The following TTN variants were observed in gnomAD, a reference collection of about 807,000 sequenced individuals.
The protein encoded by TTN is titin, also known as connectin.
A neutral mutation model predicts 3,223.0 loss-of-function variants in TTN; 1,525 were observed. The ratio of observed to expected loss-of-function variants is 0.47; its 90% CI spans 0.45 to 0.49. TTN has a LOEUF of 0.49. Among genes scored for constraint, TTN ranks in the 20% least tolerant of loss-of-function variants. The pLI is 0.00. For missense variants in TTN, 40,786 were observed against 43,424.0 expected (o/e 0.94, Z 5.40); for synonymous variants, 14,094 against 15,161.0 (o/e 0.93, Z 5.17).
Position 178,609,261 on chromosome 2 carries a change from T to C in TTN, c.52049A>G (p.Lys17350Arg), listed in dbSNP as rs545725664. 1.1e-5 allele frequency: 17 copies of C among 1,541,096 alleles called. 1 individual carries two copies. Among genetic ancestry groups the C allele is most frequent in the Admixed American group, 2.1e-5 (1 of 48,046 alleles). The change falls in exon 273 of 363, where the codon AAA becomes AGA. Residue 17350 changes from lysine to arginine, a missense_variant. Transcript: ENST00000589042. ...TGCAATACCGTGGTCATTTTCAACT[T>C]TGATCATATACAGACCATGGTCAGG... is the stretch of plus-strand genomic sequence containing the variant. ...LRPDHGLYMI[K>R]VENDHGIAKA...
At chr2:178,731,228 TG>T in intron 59 of TTN, 25 bp from the exon 60 acceptor site, 5 of 1,611,198 alleles carry the variant, frequency 3.1e-6, no homozygotes, top group Non-Finnish European at 4.2e-6. Context: ...GGGATAGATG[TG>T]GGTTGTGCAT....
At chr2:178,751,404 T>C in intron 47 of TTN, 1 of 1,609,286 alleles carries the variant, frequency 6.2e-7, no homozygotes, top group South Asian at 1.1e-5. Context: ...TCTGTTTTCT[T>C]GGCAGAACTC....
In TTN at chr2:178,591,854, C is replaced by T. The variant is rs1021499065; in HGVS notation, c.59965G>A (p.Val19989Ile). 6 of 1,613,288 alleles carry T rather than the reference C, an allele frequency of 3.7e-6. No individual in the cohort carries two copies. The highest frequency in any genetic ancestry group is 4.2e-6 in the Non-Finnish European group (5 of 1,179,564). The change falls in exon 303 of 363, where the codon GTT becomes ATT. Residue 19989 changes from valine (V) to isoleucine (I), a missense_variant. Transcript: ENST00000589042. Reference sequence around the variant, plus strand: ...ACTAGGGAGACTTCAGTCTTGTCAACATCTACATGGTGCAGGTCCTTGGGT... The same window carrying T: ...ACTAGGGAGACTTCAGTCTTGTCAATATCTACATGGTGCAGGTCCTTGGGT... The part of the protein sequence containing the change: ...GPPKDLHHVD[V>I]DKTEVSLVWN...
intron 148 of TTN, 68 bp downstream of exon 148, chr2:178,675,851 CAG>C (rs2067967702): frequency 6.5e-7 from 1 of 1,548,334 alleles, no homozygotes; most frequent in African/African-American, 1.4e-5. Context: ...AATACGGAAA[CAG>C]GACATTTTGA....
At chr2:178,559,196 T>C (rs999282549) in intron 326 of TTN, 115 bp downstream of exon 326, 8 of 936,334 alleles carry the variant, frequency 8.5e-6, no homozygotes, top group African/African-American at 3.3e-5. Context: ...GTTTGGGGTG[T>C]GAAGGGTGTG....
At position 178,791,144 on chromosome 2, in the gene TTN, A is replaced by G. The variant is rs149435574; in HGVS notation, c.1663-299T>C. Among the ~76,000 whole-genome samples, 200 of 152,310 alleles carry G rather than the reference A, an allele frequency of 1.3e-3. 1 individual carries two copies. Among genetic ancestry groups the G allele is most frequent in the Non-Finnish European group, 2.5e-3 (170 of 68,018 alleles). On this transcript the variant is annotated intron_variant, in intron 10 of 362. Coordinates refer to ENST00000589042, the MANE Select transcript of TTN (RefSeq NM_001267550.2). ...GCTGCTGACAAGTGGCTGGAAAACC[A>G]TAGGCCAGCTGAACTTGCCAGTCAC...
At position 178,636,776 on chromosome 2, in the gene TTN, G is replaced by T. The variant is rs756727745; in HGVS notation, c.40951C>A (p.Pro13651Thr). The change falls in exon 225 of 363, where the codon CCA (proline) becomes ACA (threonine). Residue 13651 changes from proline (P) to threonine (T), a missense_variant. Transcript: ENST00000589042. This position sits in a 1 kb window ranked among gnomAD's most constrained non-coding sequence, Gnocchi z 4.3. ...IKGVPKKTPS[P>T]IEAERRKLRP... ...AACTTTCTCCTTTCGGCTTCTATTG[G>T]TGAAGGAGTCTTTTTGGGTACACCT... 9 of 1,600,722 alleles carry T rather than the reference G, an allele frequency of 5.6e-6. No homozygotes were observed. The highest frequency in any genetic ancestry group is 3.4e-5 in the Admixed American group (2 of 58,624).
chr2:178,765,374 T>TA (rs879364039), intron 41 of TTN, among the ~76,000 whole-genome samples: 7 of 152,350 alleles, frequency 4.6e-5, no homozygotes, highest in Admixed American at 6.5e-5. Context: ...TCAGCTTTCC[T>TA]GTTTTGCTAA....
chr2:178,663,840 G>A lies in TTN; in HGVS notation c.36427C>T (p.Pro12143Ser), dbSNP rs779794774. 8 of 1,613,314 alleles carry A rather than the reference G, an allele frequency of 5.0e-6. No homozygotes were observed. The African/African-American group carries it at 9.3e-5, about 19-fold the overall frequency. The change falls in exon 170 of 363, where the codon CCT becomes TCT. Residue 12143 changes from proline to serine, a missense_variant. Pro to Ser is a moderately conservative substitution (Grantham distance 74, BLOSUM62 -1). Coordinates refer to ENST00000589042, the MANE Select transcript of TTN (RefSeq NM_001267550.2). ...EKVPLAPPKE[P>S]EVPPVKVPEP... ...CTACCTTTAACAGGTGGGACTTCAG[G>A]CTCTTTAGGAGGAGCCAAGGGCACT...
At chr2:178,596,161 T>C (rs2051555170) in intron 294 of TTN, among the ~76,000 whole-genome samples, 1 of 151,932 alleles carries the variant, frequency 6.6e-6, no homozygotes, top group African/African-American at 2.4e-5. Context: ...AGGCTAATTT[T>C]TGCATTTTTA....
chr2:178,536,778 C>A, intron 356 of TTN, 160 bp downstream of exon 356: 1 of 827,866 alleles, frequency 1.2e-6, no homozygotes, highest in Non-Finnish European at 1.8e-6. Flanking sequence ...ATATATTTCT[C>A]CTTTTAGATA....
chr2:178,577,050 C>G lies in TTN; in HGVS notation c.69285G>C (p.Gln23095His). 1 of 1,613,458 alleles carries G rather than the reference C, an allele frequency of 6.2e-7. No individual in the cohort carries two copies. The highest frequency in any genetic ancestry group is 1.7e-5 in the Admixed American group (1 of 59,994). The part of the protein sequence containing the change: ...LLWTVVSEDI[Q>H]SCRHVATKLI... ...GTTTGGTTGCCACATGCCTGCAAGA[C>G]TGAATATCTTCAGAAACCACTGTCC... The change falls in exon 324 of 363, where the codon CAG becomes CAC. Residue 23095 changes from glutamine to histidine, a missense_variant. By Grantham distance (24) the Gln-to-His change is conservative. Transcript: ENST00000589042.
At position 178,685,525 on chromosome 2, in the gene TTN, T is replaced by C; in HGVS notation, c.32385A>G (p.Pro10795=). The C allele has an allele frequency of 1.9e-6, 3 of 1,612,796 alleles. No homozygotes were observed. In the South Asian group the frequency reaches 3.3e-5, roughly 18 times the overall value. The change falls in exon 128 of 363, where the codon CCA becomes CCG. Residue 10795 remains proline, a synonymous_variant. Transcript: ENST00000589042. The part of the protein sequence containing the change: ...HIISKRVEAE[P]AEVTERQEKK... Reference sequence around the variant, plus strand: ...ATTAAAGAGTCAGCATACCTTCAGCTGGCTCAGCTTCCACTCTCTTAGAAA... The same window carrying C: ...ATTAAAGAGTCAGCATACCTTCAGCCGGCTCAGCTTCCACTCTCTTAGAAA...
Position 178,583,043 on chromosome 2 carries a change from G to A in TTN, c.65760C>T (p.Thr21920=), listed in dbSNP as rs753720118. ...IKMAMQRNLC[T]LELFSVNRKD... Reference sequence around the variant, plus strand: ...TCCGGTTCACGCTGAATAGCTCCAAGGTGCACAGATTCCGCTGCATGGCCA... The same window carrying A: ...TCCGGTTCACGCTGAATAGCTCCAAAGTGCACAGATTCCGCTGCATGGCCA... Residue 21920 remains threonine (T), a synonymous_variant, in exon 313 of 363, where the codon ACC becomes ACT. Transcript: ENST00000589042. The A allele has an allele frequency of 3.7e-6, 6 of 1,611,370 alleles. No individual in the cohort carries two copies. Among genetic ancestry groups the A allele is most frequent in the East Asian group, 4.5e-5 (2 of 44,516 alleles).
rs727504987 is a variant in TTN at position 178,537,923 on chromosome 2, C to T, written c.99290-6G>A. On this transcript the variant is annotated splice_polypyrimidine_tract_variant and splice_region_variant and intron_variant, in intron 354 of 362. Transcript: ENST00000589042. ...TATTCCTGGGGCCTCTCCAGCTGAA[C>T]AATATGAAAGATAATATTAAGTGAC... 2.7e-5 allele frequency: 43 copies of T among 1,594,556 alleles called. No individual in the cohort carries two copies. In the South Asian group the frequency reaches 4.7e-4, roughly 18 times the overall value.
chr2:178,576,435 C>T lies in TTN; in HGVS notation c.69716-19G>A, dbSNP rs1326329710. On this transcript the variant is annotated intron_variant, in intron 325 of 362. Coordinates refer to ENST00000589042, the MANE Select transcript of TTN (RefSeq NM_001267550.2). This position sits in a 1 kb window ranked among gnomAD's most constrained non-coding sequence, Gnocchi z 4.3. ...GGAGGATCTGAGAAAGAAACAAAGA[C>T]ACAAAAGTATATATTCAGAGTTTGG... is the stretch of plus-strand genomic sequence containing the variant. 13 of 1,579,770 alleles carry T rather than the reference C, an allele frequency of 8.2e-6. No homozygotes were observed. The highest frequency in any genetic ancestry group is 1.1e-5 in the Non-Finnish European group (13 of 1,170,216).
chr2:178,561,795 A>T lies in TTN; in HGVS notation c.84337T>A (p.Ser28113Thr). Residue 28113 changes from serine (S) to threonine (T), a missense_variant, in exon 326 of 363, where the codon TCC (serine) becomes ACC (threonine). Transcript: ENST00000589042. ...GTTGTCAGGCGAACTATTTTAATGG[A>T]TGTTCTTGCAACTGCTTGTGAAACT... ...HIVSQAVART[S>T]IKIVRLTTGS... The T allele has an allele frequency of 6.2e-7, 1 of 1,613,614 alleles. No homozygotes were observed.
In TTN at chr2:178,651,318, G is replaced by A. The variant is rs779989942; in HGVS notation, c.39550C>T (p.Pro13184Ser). ...GGAACAACTTCTTTTGGAACTTCAGGCACTTCAAATATATTAGTATTTTAA... is the reference window on the plus strand; with the variant it reads ...GGAACAACTTCTTTTGGAACTTCAGACACTTCAAATATATTAGTATTTTAA... ...KKPEAPPAKVPEVPKEVVPEK... is the reference protein window; with the variant it reads ...KKPEAPPAKVSEVPKEVVPEK... Residue 13184 changes from proline to serine, a missense_variant and splice_region_variant, in exon 208 of 363, where the codon CCT becomes TCT. Coordinates refer to ENST00000589042, the MANE Select transcript of TTN (RefSeq NM_001267550.2). 2 of 1,612,502 alleles carry A rather than the reference G, an allele frequency of 1.2e-6. No homozygotes were observed. The highest frequency in any genetic ancestry group is 1.7e-6 in the Non-Finnish European group (2 of 1,179,194).
chr2:178,565,703 C>T lies in TTN; in HGVS notation c.80429G>A (p.Ser26810Asn), dbSNP rs771880739. The T allele has an allele frequency of 1.2e-6, 2 of 1,613,530 alleles. No homozygotes were observed. Among genetic ancestry groups the T allele is most frequent in the East Asian group, 2.2e-5 (1 of 44,862 alleles). The change falls in exon 326 of 363, where the codon AGC becomes AAC. Residue 26810 changes from serine (S) to asparagine (N), a missense_variant. Coordinates refer to ENST00000589042, the MANE Select transcript of TTN (RefSeq NM_001267550.2). Reference protein sequence around the residue: ...MWEKPEHDGGSRVLGYVVEMQ... With the variant: ...MWEKPEHDGGNRVLGYVVEMQ... ...TTCAACAACGTACCCCAGGACTCTG[C>T]TACCGCCATCATGTTCAGGTTTCTC...
Sources: allele counts gnomAD v4.1 joint callset (sites outside exome capture counted in the v4.1 genomes callset), GRCh38; gene constraint gnomAD v4.1.1; non-coding constraint Gnocchi (gnomAD v3.1); transcripts MANE v1.5; gene names NCBI Gene and HGNC (gene_info 2026-07-23, HGNC 2026-07-21).